Variants in IL1RN observed in about 807,000 individuals in gnomAD.
IL1RN encodes the protein interleukin 1 receptor antagonist, also known as interleukin-1 receptor antagonist protein.
IL1RN carries 10 observed loss-of-function variants against 13.7 expected under a neutral mutation model. The observed-to-expected ratio is 0.73, with a 90% CI of 0.45 to 1.24. The LOEUF (loss-of-function observed/expected upper bound fraction) is 1.24, where lower values mean the gene tolerates loss of function less well. Ranked by LOEUF, IL1RN falls within the 50% of genes most tolerant of loss-of-function variation. The pLI is 0.00. For missense variants in IL1RN, 213 were observed against 222.1 expected (o/e 0.96, Z 0.26); for synonymous variants, 102 against 82.7 (o/e 1.23, Z -1.27).
At chr2:113,106,519 A>G (rs1686390342), upstream of IL1RN, among the ~76,000 whole-genome samples, 1 of 152,222 alleles carries the variant, frequency 6.6e-6, no homozygotes, top group African/African-American at 2.4e-5. Context: ...ATGTTTAATT[A>G]TTGCTTGTGT....
At chr2:113,103,875 G>A (rs989344724), upstream of IL1RN, among the ~76,000 whole-genome samples, 2 of 152,152 alleles carry the variant, frequency 1.3e-5, no homozygotes, top group Admixed American at 1.3e-4. Context: ...AGAAAGAAAG[G>A]AAGGAGCAAC....
At chr2:113,132,090 G>T (rs1279523983) in intron 3 of IL1RN, among the ~76,000 whole-genome samples, 1 of 152,246 alleles carries the variant, frequency 6.6e-6, no homozygotes, top group Non-Finnish European at 1.5e-5. Context: ...AGGCCAGAGT[G>T]GCCAGATTTC....
intron 2 of IL1RN, 92 bp from the exon 3 acceptor site, chr2:113,130,953 G>C (rs1032506010): frequency 1.2e-6 from 1 of 826,724 alleles, no homozygotes; most frequent in Non-Finnish European, 2.1e-6. Context: ...TAGTTTTGTG[G>C]GGACCAGGGG....
At chr2:113,120,044 G>T (rs781024376) in intron 1 of IL1RN, 1 of 1,603,594 alleles carries the variant, frequency 6.2e-7, no homozygotes. Context: ...TACACAATGG[G>T]GTCCCACCAC....
chr2:113,100,182 C>T, the IL1RN span, among the ~76,000 whole-genome samples: 4,645 of 150,916 alleles, frequency 0.031, 250 homozygotes, highest in African/African-American at 0.11. Context: ...AACAATTAGC[C>T]GGGCGTGGTG....
At chr2:113,102,533 C>T (rs1415500803), upstream of IL1RN, among the ~76,000 whole-genome samples, 2 of 152,128 alleles carry the variant, frequency 1.3e-5, no homozygotes, top group Non-Finnish European at 2.9e-5. Flanking sequence ...AGGCGTGTCA[C>T]GTGCGTCTGT....
At chr2:113,107,009 TA>T (rs1428167947), upstream of IL1RN, among the ~76,000 whole-genome samples, 1 of 152,160 alleles carries the variant, frequency 6.6e-6, no homozygotes, top group Non-Finnish European at 1.5e-5. Context: ...CTGAAAGATT[TA>T]AAAAACTATT....
At chr2:113,109,558 G>C (rs775685397), upstream of IL1RN, among the ~76,000 whole-genome samples, 1 of 152,010 alleles carries the variant, frequency 6.6e-6, no homozygotes, top group South Asian at 2.1e-4. Flanking sequence ...CCAGGACACA[G>C]TCCTAAAATA....
upstream of IL1RN, among the ~76,000 whole-genome samples, chr2:113,127,149 C>G (rs1268044225): frequency 6.6e-6 from 1 of 152,208 alleles, no homozygotes; most frequent in East Asian, 1.9e-4. Flanking sequence ...GTTTGCCAAT[C>G]TATGGTCCGG....
Position 113,132,707 on chromosome 2 carries a change from G to C in IL1RN, c.370G>C (p.Ala124Pro). The C allele has an allele frequency of 1.2e-6, 2 of 1,614,232 alleles. No individual in the cohort carries two copies. The highest frequency in any genetic ancestry group is 2.2e-5 in the South Asian group (2 of 91,092). ...SENRKQDKRF[A>P]FIRSDSGPTT... ...GAACAGAAAGCAGGACAAGCGCTTC[G>C]CCTTCATCCGCTCAGACAGTGGCCC... The change falls in exon 4 of 4, where the codon GCC becomes CCC. Residue 124 changes from alanine (A) to proline (P), a missense_variant. Ala to Pro is a conservative substitution (Grantham distance 27). Transcript: ENST00000409930.
the IL1RN span, among the ~76,000 whole-genome samples, chr2:113,100,438 AAT>A: frequency 3.9e-5 from 6 of 152,236 alleles, no homozygotes; most frequent in Non-Finnish European, 8.8e-5. Flanking sequence ...AGAAGCAGCA[AAT>A]GACAAGGGGA....
chr2:113,110,290 T>C (rs114750882), upstream of IL1RN, among the ~76,000 whole-genome samples: 249 of 152,336 alleles, frequency 1.6e-3, 1 homozygote, highest in African/African-American at 4.5e-3. Flanking sequence ...TTCTGGGGTT[T>C]ATGGGAATAT....
upstream of IL1RN, chr2:113,115,549 G>A (rs1198627287): frequency 6.6e-6 from 1 of 152,094 alleles, no homozygotes; most frequent in Admixed American, 6.6e-5. Context: ...ACCATCATTG[G>A]GGTTGTGGAT....
chr2:113,112,721 C>A (rs533240746), intron 1 of IL1RN, among the ~76,000 whole-genome samples: 1 of 152,332 alleles, frequency 6.6e-6, no homozygotes, highest in Non-Finnish European at 1.5e-5. Flanking sequence ...TCCCACAAAA[C>A]CCTGTGCCTC....
intron 1 of IL1RN, among the ~76,000 whole-genome samples, chr2:113,112,363 A>C (rs1686515740): frequency 1.3e-5 from 2 of 152,138 alleles, no homozygotes; most frequent in South Asian, 4.1e-4. Context: ...AAAAGTATAC[A>C]ATGTAAGGAG....
At position 113,132,996 on chromosome 2, in the gene IL1RN, G is replaced by A. The variant is rs1687230246; in HGVS notation, c.*125G>A. The stretch of plus-strand genomic sequence containing the variant: ...CCAGCCATTGAGGGGTGGACCCTCA[G>A]AAGGCGTCACAACAACCTGGTCACA... On this transcript the variant is annotated 3_prime_UTR_variant, in exon 4 of 4. Coordinates refer to ENST00000409930, the MANE Select transcript of IL1RN (RefSeq NM_173842.3). 2.2e-6 allele frequency: 2 copies of A among 893,974 alleles called. No homozygotes were observed. Among genetic ancestry groups the A allele is most frequent in the African/African-American group, 3.3e-5 (2 of 60,672 alleles). 55.4% of individuals were successfully genotyped at this position (893,974 alleles called of 1,614,324 possible).
upstream of IL1RN, among the ~76,000 whole-genome samples, chr2:113,110,304 T>G (rs1686474089): frequency 6.6e-6 from 1 of 152,224 alleles, no homozygotes; most frequent in Non-Finnish European, 1.5e-5. Flanking sequence ...GGAATATTTC[T>G]TCTTGGTGCC....
exon 1 of IL1RN, chr2:113,111,130 C>G (rs548686126): frequency 2.0e-5 from 3 of 152,348 alleles, no homozygotes; most frequent in Admixed American, 6.5e-5. Context: ...TAGCAGTTCA[C>G]AAAGCACATT....
chr2:113,132,352 G>A (rs1167320035), intron 3 of IL1RN, among the ~76,000 whole-genome samples: 1 of 152,210 alleles, frequency 6.6e-6, no homozygotes, highest in African/African-American at 2.4e-5. Flanking sequence ...GGAGGCTGAG[G>A]CAGGAGAATC....
Sources: allele counts gnomAD v4.1 joint callset (sites outside exome capture counted in the v4.1 genomes callset), GRCh38; gene constraint gnomAD v4.1.1; transcripts MANE v1.5; gene names NCBI Gene and HGNC (gene_info 2026-07-23, HGNC 2026-07-21).